Variants in TMPRSS15 observed in about 807,000 individuals in gnomAD.
TMPRSS15 encodes transmembrane serine protease 15, also known as enteropeptidase.
In TMPRSS15, 128 loss-of-function variants were observed where a neutral mutation model predicts 125.3. The observed-to-expected ratio is 1.02, with a 90% confidence interval of 0.89 to 1.18. The LOEUF (loss-of-function observed/expected upper bound fraction) is 1.18. TMPRSS15 is among the 50% of genes most tolerant of loss of function. The pLI, the probability that TMPRSS15 is intolerant of heterozygous loss-of-function variation, is 0.00. For missense variants in TMPRSS15, 1,283 were observed against 1,212.7 expected, an observed-to-expected ratio of 1.06 and a Z score of -0.86; for synonymous variants, 446 against 423.2, an observed-to-expected ratio of 1.05 and a Z score of -0.66.
chr21:18,469,519 A>T (rs1568735971), intron 1 of TMPRSS15, among the ~76,000 whole-genome samples: 2 of 152,138 alleles, frequency 1.3e-5, no homozygotes, highest in South Asian at 4.1e-4. Flanking sequence ...CTTTGTAGTA[A>T]ATCATCAGAT....
At chr21:18,396,463 G>A (rs1224692220) in intron 3 of TMPRSS15, among the ~76,000 whole-genome samples, 1 of 152,074 alleles carries the variant, frequency 6.6e-6, no homozygotes, top group Non-Finnish European at 1.5e-5. Context: ...CAGTCATTTG[G>A]TGAGGAGTGA....
chr21:18,271,572 T>TCTC (rs1324379662), intron 24 of TMPRSS15, among the ~76,000 whole-genome samples: 1 of 152,164 alleles, frequency 6.6e-6, no homozygotes, highest in African/African-American at 2.4e-5. Flanking sequence ...TTATGTAACT[T>TCTC]CTCCTTACCT....
chr21:18,378,917 C>T (rs181988351), intron 5 of TMPRSS15, among the ~76,000 whole-genome samples: 1 of 152,176 alleles, frequency 6.6e-6, no homozygotes, highest in East Asian at 1.9e-4. Flanking sequence ...GCAAGCATGT[C>T]TAACTTGTAT....
intron 3 of TMPRSS15, among the ~76,000 whole-genome samples, chr21:18,385,596 C>A (rs2075936433): frequency 6.6e-6 from 1 of 152,132 alleles, no homozygotes; most frequent in South Asian, 2.1e-4. Context: ...GCCACATCTA[C>A]CTTGAGACCA....
intron 1 of TMPRSS15, among the ~76,000 whole-genome samples, chr21:18,428,646 T>C (rs1242635533): frequency 2.6e-5 from 4 of 152,150 alleles, no homozygotes; most frequent in Non-Finnish European, 5.9e-5. Flanking sequence ...CTTTTCAGCT[T>C]CCACATGGTG....
Position 18,357,636 on chromosome 21 carries a change from C to T in TMPRSS15, c.880+2121G>A, listed in dbSNP as rs560592544. On this transcript the variant is annotated intron_variant, in intron 8 of 24. Transcript: ENST00000284885. ...CTTTCACATAAAGAAATTGCTAAAA[C>T]ATTTAGGGAAAGATGAGCTTGTGAC... is the stretch of plus-strand genomic sequence containing the variant. Among the ~76,000 whole-genome samples the T allele has an allele frequency of 9.9e-5, 15 of 151,812 alleles. No homozygotes were observed. The East Asian group carries it at 2.5e-3, about 25-fold the overall frequency.
intron 18 of TMPRSS15, among the ~76,000 whole-genome samples, chr21:18,305,962 G>A (rs898473001): frequency 3.3e-5 from 5 of 152,054 alleles, no homozygotes; most frequent in African/African-American, 1.2e-4. Flanking sequence ...CCACAACCTT[G>A]CCCAAAGCTT....
intron 8 of TMPRSS15, among the ~76,000 whole-genome samples, chr21:18,359,475 T>A (rs1047088339): frequency 5.3e-5 from 8 of 152,068 alleles, no homozygotes; most frequent in African/African-American, 1.9e-4. Flanking sequence ...ATTTAAACAA[T>A]GTATGGTAAC....
intron 15 of TMPRSS15, among the ~76,000 whole-genome samples, 160 bp from the exon 16 acceptor site, chr21:18,326,732 T>C (rs1224141187): frequency 6.6e-6 from 1 of 152,234 alleles, no homozygotes; most frequent in Non-Finnish European, 1.5e-5. Flanking sequence ...TTCTCTTACA[T>C]TTTGAACACT....
intron 18 of TMPRSS15, among the ~76,000 whole-genome samples, chr21:18,300,376 C>G (rs1451654313): frequency 2.4e-5 from 3 of 124,610 alleles, no homozygotes; most frequent in Admixed American, 1.9e-4. Context: ...TTTGGATACT[C>G]TGTTGCCTAG....
chr21:18,467,008 C>A (rs1005042953), intron 1 of TMPRSS15, among the ~76,000 whole-genome samples: 34 of 152,206 alleles, frequency 2.2e-4, no homozygotes, highest in African/African-American at 8.2e-4. Flanking sequence ...TGGAACCAAC[C>A]CAAATGCCCA....
intron 1 of TMPRSS15, among the ~76,000 whole-genome samples, chr21:18,420,255 T>A (rs548343757): frequency 6.0e-4 from 92 of 152,330 alleles, no homozygotes; most frequent in Middle Eastern, 6.8e-3. Flanking sequence ...ACCTTTAACA[T>A]CCTTTGAGTC....
rs568283513 is a variant in TMPRSS15, at chr21:18,281,968, G to C, written c.2487-747C>G. ...AAAAATCAGCCGGGCGTGGTGGTGG[G>C]CGCCTGTAGTCCCAGCTACTTCGGG... On this transcript the variant is annotated intron_variant, in intron 21 of 24. Transcript: ENST00000284885. Among the ~76,000 whole-genome samples the C allele has an allele frequency of 2.2e-4, 34 of 151,638 alleles. 2 individuals are homozygous for C. In the South Asian group the frequency reaches 5.9e-3, roughly 26 times the overall value.
intron 7 of TMPRSS15, among the ~76,000 whole-genome samples, chr21:18,364,693 A>G (rs1308696929): frequency 6.6e-6 from 1 of 152,232 alleles, no homozygotes; most frequent in Non-Finnish European, 1.5e-5. Context: ...TAAGAAAGAC[A>G]TGTATAGAGG....
At chr21:18,405,187 G>A (rs983554541), upstream of TMPRSS15, among the ~76,000 whole-genome samples, 2 of 152,148 alleles carry the variant, frequency 1.3e-5, no homozygotes, top group Non-Finnish European at 2.9e-5. Flanking sequence ...AGAAGACAGT[G>A]AGTTCACATG....
At position 18,312,818 on chromosome 21, in the gene TMPRSS15, C is replaced by T; in HGVS notation, c.2165+127G>A. On this transcript the variant is annotated intron_variant, in intron 18 of 24. Coordinates refer to ENST00000284885, the MANE Select transcript of TMPRSS15 (RefSeq NM_002772.3). Reference sequence around the variant, plus strand: ...GGGTTAATCAAGATTTTTATTTTCTCCCTTTTGCTAATGTGTATTTTCTAA... The same window carrying T: ...GGGTTAATCAAGATTTTTATTTTCTTCCTTTTGCTAATGTGTATTTTCTAA... The T allele has an allele frequency of 2.4e-6, 3 of 1,240,270 alleles. 1 individual carries two copies. Among genetic ancestry groups the T allele is most frequent in the South Asian group, 2.8e-5 (2 of 71,370 alleles). 76.8% of individuals were successfully genotyped at this position (1,240,270 alleles called of 1,614,324 possible).
chr21:18,270,219 T>C, intron 24 of TMPRSS15, 95 bp from the exon 25 acceptor site: 3 of 1,105,746 alleles, frequency 2.7e-6, no homozygotes, highest in South Asian at 1.6e-5. Flanking sequence ...AAAATAAAAA[T>C]TAATTAAAAA....
At chr21:18,274,750 GGAT>G (rs1379340902) in intron 24 of TMPRSS15, among the ~76,000 whole-genome samples, 2 of 152,208 alleles carry the variant, frequency 1.3e-5, no homozygotes, top group Non-Finnish European at 2.9e-5. Context: ...CTGCACGCCT[GGAT>G]GATATTCTAA....
intron 23 of TMPRSS15, among the ~76,000 whole-genome samples, chr21:18,276,213 CGT>C (rs928538940): frequency 6.6e-6 from 1 of 152,082 alleles, no homozygotes; most frequent in Non-Finnish European, 1.5e-5. Flanking sequence ...CACACGTGCA[CGT>C]GTGTGTGTAG....
Sources: allele counts gnomAD v4.1 joint callset (sites outside exome capture counted in the v4.1 genomes callset), GRCh38; gene constraint gnomAD v4.1.1; transcripts MANE v1.5; gene names NCBI Gene and HGNC (gene_info 2026-07-23, HGNC 2026-07-21).